The following LYAR variants were observed in gnomAD, a reference collection of about 807,000 sequenced individuals.
The protein encoded by LYAR is Ly1 antibody reactive, also known as cell growth-regulating nucleolar protein.
In LYAR, 37 loss-of-function variants were observed where a neutral mutation model predicts 45.2. That is an observed-to-expected ratio of 0.82 (90% CI 0.63 to 1.08). LYAR has a LOEUF of 1.08. Ranked by LOEUF, LYAR falls within the 50% of genes least tolerant of loss-of-function variation. The pLI, the probability that LYAR is intolerant of heterozygous loss-of-function variation, is 0.00. For missense variants in LYAR, 493 were observed against 451.0 expected (o/e 1.09, Z -0.84); for synonymous variants, 176 against 155.1 (o/e 1.14, Z -1.00).
Position 4,274,728 on chromosome 4 carries a change from T to C in LYAR, c.471A>G (p.Pro157=), listed in dbSNP as rs1719108558. The C allele has an allele frequency of 1.2e-6, 2 of 1,611,556 alleles. No individual in the cohort carries two copies. Among genetic ancestry groups the C allele is most frequent in the African/African-American group, 1.3e-5 (1 of 74,608 alleles). ...AGATTTCTGCATGTGGATTTGCCACTGGGTGGAGTGGCCGTTGATCCTGTT... is the reference window on the plus strand; with the variant it reads ...AGATTTCTGCATGTGGATTTGCCACCGGGTGGAGTGGCCGTTGATCCTGTT... The part of the protein sequence containing the change: ...NKEQDQRPLH[P]VANPHAEIST... The change falls in exon 7 of 10, where the codon CCA becomes CCG. Residue 157 remains proline, a synonymous_variant. Coordinates refer to ENST00000343470, the MANE Select transcript of LYAR (RefSeq NM_017816.3).
intron 8 of LYAR, 126 bp from the exon 9 acceptor site, chr4:4,268,741 C>G: frequency 1.6e-6 from 1 of 621,898 alleles, no homozygotes; most frequent in Non-Finnish European, 2.8e-6. Context: ...GAACCAGACT[C>G]CATAGCACCA....
In LYAR at chr4:4,274,584, TTC is replaced by T; in HGVS notation, c.613_614del (p.Glu205ThrfsTer16). ...TTTCCTGGTGGTTTTCTAACTTTAG[TTC>T]TTTCTTTTCTCTTTTCCTTTTCTTC... ...RQKKRKREKK[E>X]LKLENHQENS... On this transcript the variant is annotated frameshift_variant, in exon 7 of 10. Coordinates refer to ENST00000343470, the MANE Select transcript of LYAR (RefSeq NM_017816.3). LOFTEE classifies it high-confidence loss of function. The T allele has an allele frequency of 6.2e-7, 1 of 1,613,634 alleles. No individual in the cohort carries two copies. The highest frequency in any genetic ancestry group is 8.5e-7 in the Non-Finnish European group (1 of 1,179,942).
chr4:4,286,910 C>G (rs1200038896), intron 1 of LYAR, among the ~76,000 whole-genome samples: 2 of 150,692 alleles, frequency 1.3e-5, no homozygotes, highest in African/African-American at 2.5e-5. Flanking sequence ...CTCGGCCTCC[C>G]AAAGTGCTGG....
At chr4:4,272,021 C>T (rs548644975) in intron 8 of LYAR, among the ~76,000 whole-genome samples, 5 of 151,532 alleles carry the variant, frequency 3.3e-5, no homozygotes, top group Non-Finnish European at 5.9e-5. Context: ...ATAGAACATT[C>T]GGAGATTCCA....
chr4:4,283,706 CTGATTCACCACA>C lies in LYAR; in HGVS notation c.25_36del (p.Cys9_Ser12del). On this transcript the variant is annotated inframe_deletion, in exon 3 of 10. Coordinates refer to ENST00000343470, the MANE Select transcript of LYAR (RefSeq NM_017816.3). ...TGCTTTTCCACTTGTATTTTCTTCA[CTGATTCACCACA>C]TGCATTGCATGTAAAAAATACCATT... 1.2e-6 allele frequency: 2 copies of C among 1,612,586 alleles called. No individual in the cohort carries two copies. The highest frequency in any genetic ancestry group is 2.7e-5 in the African/African-American group (2 of 75,052).
intron 6 of LYAR, among the ~76,000 whole-genome samples, chr4:4,277,804 A>G (rs954823524): frequency 6.6e-6 from 1 of 152,206 alleles, no homozygotes; most frequent in Non-Finnish European, 1.5e-5. Flanking sequence ...AGAGGACAGA[A>G]AAGCATCCGA....
intron 4 of LYAR, among the ~76,000 whole-genome samples, chr4:4,281,010 A>G (rs532705430): frequency 6.6e-6 from 1 of 152,344 alleles, no homozygotes; most frequent in South Asian, 2.1e-4. Flanking sequence ...TTAGGGAGTC[A>G]ATGTTTCTGC....
At chr4:4,278,545 C>A (rs906508985) in intron 6 of LYAR, among the ~76,000 whole-genome samples, 1 of 152,138 alleles carries the variant, frequency 6.6e-6, no homozygotes, top group African/African-American at 2.4e-5. Context: ...CTACCTTAAC[C>A]GTAACCTTCA....
chr4:4,283,095 C>T (rs1354451525), intron 3 of LYAR, among the ~76,000 whole-genome samples: 1 of 152,156 alleles, frequency 6.6e-6, no homozygotes, highest in Non-Finnish European at 1.5e-5. Flanking sequence ...TCATAATTCC[C>T]CTTCCCCTAG....
chr4:4,288,777 C>A (rs911204618), intron 1 of LYAR, among the ~76,000 whole-genome samples: 2 of 152,224 alleles, frequency 1.3e-5, no homozygotes, highest in African/African-American at 4.8e-5. Context: ...CGGGCCACTG[C>A]GCTTGGCCTT....
rs201118794 is a variant in LYAR, at chr4:4,279,412, G to C, written c.429+35C>G. 4.6e-6 allele frequency: 6 copies of C among 1,316,476 alleles called. No individual in the cohort carries two copies. In the Admixed American group the frequency reaches 1.0e-4, roughly 23 times the overall value. The allele number at this position is 1,316,476 out of a possible 1,614,324, so 81.5% of individuals were successfully genotyped here. A position where few individuals can be genotyped will look rare whatever the true frequency, so the allele number is the denominator to read the frequency against. On this transcript the variant is annotated intron_variant, in intron 6 of 9. Transcript: ENST00000343470. ...CATTTCATTATTACTAATTATTTTT[G>C]CCACAATGCAAATCTAAAATCAGAT... is the stretch of plus-strand genomic sequence containing the variant.
At chr4:4,281,996 T>A (rs1560096593) in intron 3 of LYAR, 99 bp from the exon 4 acceptor site, 7 of 724,084 alleles carry the variant, frequency 9.7e-6, no homozygotes, top group Non-Finnish European at 1.7e-5. Flanking sequence ...ACACTGTATA[T>A]TTTCACATGT....
chr4:4,281,868 C>T lies in LYAR; in HGVS notation c.152G>A (p.Cys51Tyr). ...ACCATACTTCTGATCTTCACTTATG[C>T]ATTTCACGTGGTTTTTATAGTCATC... Reference protein sequence around the residue: ...WGDDYKNHVKCISEDQKYGGK... With the variant: ...WGDDYKNHVKYISEDQKYGGK... The change falls in exon 4 of 10, where the codon TGC (cysteine) becomes TAC (tyrosine). Residue 51 changes from cysteine to tyrosine, a missense_variant. By Grantham distance (194) the Cys-to-Tyr change is radical (BLOSUM62 -2). Transcript: ENST00000343470. 3.7e-6 allele frequency: 6 copies of T among 1,614,106 alleles called. No individual in the cohort carries two copies. Among genetic ancestry groups the T allele is most frequent in the Non-Finnish European group, 2.5e-6 (3 of 1,179,964 alleles).
chr4:4,274,491 C>T lies in LYAR; in HGVS notation c.708G>A (p.Glu236=). Reference sequence around the variant, plus strand: ...CAGAGCCATTGGCCTCAGGGACTTCCTCCCCACCAGCCTCAAGGTCAGCCT... The same window carrying T: ...CAGAGCCATTGGCCTCAGGGACTTCTTCCCCACCAGCCTCAAGGTCAGCCT... ...GQEADLEAGG[E]EVPEANGSAG... is the part of the protein sequence containing the mutation. Residue 236 remains glutamate (E), a synonymous_variant, in exon 7 of 10, where the codon GAG becomes GAA. Transcript: ENST00000343470. The T allele has an allele frequency of 1.2e-6, 2 of 1,614,216 alleles. No homozygotes were observed. Among genetic ancestry groups the T allele is most frequent in the African/African-American group, 2.7e-5 (2 of 75,044 alleles).
intron 8 of LYAR, among the ~76,000 whole-genome samples, chr4:4,270,182 A>C (rs1022086717): frequency 3.3e-5 from 5 of 151,954 alleles, no homozygotes; most frequent in Non-Finnish European, 5.9e-5. Context: ...CACCCTGGGC[A>C]ACAGTGAGAC....
chr4:4,268,182 C>T lies in LYAR; in HGVS notation c.1006-159G>A, dbSNP rs889122473. The stretch of plus-strand genomic sequence containing the variant: ...CCTTGGAAAACCCAGGCGGCAGCCA[C>T]GTGCAGGGGTTTGGCCATGTGTGAG... On this transcript the variant is annotated intron_variant, in intron 9 of 9. Transcript: ENST00000343470. Among the ~76,000 whole-genome samples the T allele has an allele frequency of 2.6e-5, 4 of 152,206 alleles. No individual in the cohort carries two copies. The South Asian group carries it at 8.3e-4, about 32-fold the overall frequency.
chr4:4,269,648 C>T (rs540255196), intron 8 of LYAR, among the ~76,000 whole-genome samples: 24 of 152,260 alleles, frequency 1.6e-4, no homozygotes, highest in African/African-American at 5.3e-4. Context: ...GCAACAAGGC[C>T]GTGCCCCTCC....
In LYAR at chr4:4,283,618, T is replaced by G. The variant is rs1719489242; in HGVS notation, c.122+3A>C. ...GGATCTACATGAATTCTGTGAAGCT[T>G]ACCAGAAATCTTTACCGCAGTCAAT... On this transcript the variant is annotated splice_donor_region_variant and intron_variant, in intron 3 of 9. Transcript: ENST00000343470. The G allele has an allele frequency of 1.2e-6, 2 of 1,609,784 alleles. No homozygotes were observed. The highest frequency in any genetic ancestry group is 2.7e-5 in the African/African-American group (2 of 74,930).
intron 1 of LYAR, among the ~76,000 whole-genome samples, chr4:4,288,642 T>C (rs3775346): frequency 0.45 from 68,596 of 151,870 alleles, 16,464 homozygotes; most frequent in Middle Eastern, 0.58. Flanking sequence ...CATGCCACCA[T>C]GCCCGGCTAA....
Sources: gnomAD v4.1 joint callset for allele counts (sites outside exome capture counted in the v4.1 genomes callset) on GRCh38, gnomAD v4.1.1 for gene constraint, MANE v1.5 for transcripts, NCBI Gene and HGNC (gene_info 2026-07-23, HGNC 2026-07-21) for gene names.